Variants in IRS1 observed in about 807,000 individuals in gnomAD.
The protein encoded by IRS1 is insulin receptor substrate 1.
IRS1 carries 34 observed loss-of-function variants against 65.6 expected under a neutral mutation model. That is an observed-to-expected ratio of 0.52 (90% CI 0.39 to 0.69). The LOEUF is 0.69. Ranked by LOEUF, IRS1 falls within the 30% of genes least tolerant of loss-of-function variation. The pLI is 0.00. For synonymous variants in IRS1, 699 were observed against 683.5 expected, an observed-to-expected ratio of 1.02 and a Z score of -0.35; for missense variants, 1,641 against 1,720.2, an observed-to-expected ratio of 0.95 and a Z score of 0.81.
chr2:226,797,829 G>T lies in IRS1; in HGVS notation c.910C>A (p.Arg304Ser). The T allele has an allele frequency of 6.2e-7, 1 of 1,605,794 alleles. No individual in the cohort carries two copies. The highest frequency in any genetic ancestry group is 1.1e-5 in the South Asian group (1 of 90,698). ...GAGGTGGCGGTGATGCTCTCAGTGC[G>T]TGATCGGCGGGTCAGCCCCACCTGG... is the stretch of plus-strand genomic sequence containing the variant. The part of the protein sequence containing the change: ...PSQVGLTRRS[R>S]TESITATSPA... Residue 304 changes from arginine to serine, a missense_variant, in exon 1 of 2, where the codon CGC becomes AGC. Coordinates refer to ENST00000305123, the MANE Select transcript of IRS1 (RefSeq NM_005544.3). This position sits in a 1 kb window ranked among gnomAD's most constrained non-coding sequence, Gnocchi z 8.1.
chr2:226,761,228 T>A (rs1018612281), intron 1 of IRS1, among the ~76,000 whole-genome samples: 1 of 152,224 alleles, frequency 6.6e-6, no homozygotes, highest in Admixed American at 6.5e-5. Context: ...CTATTGGTTT[T>A]TAACGAGAAG....
chr2:226,745,074 G>C (rs1235396461), intron 1 of IRS1, among the ~76,000 whole-genome samples: 1 of 152,134 alleles, frequency 6.6e-6, no homozygotes, highest in Non-Finnish European at 1.5e-5. Context: ...TGCTTTACCT[G>C]AAGAATATCT....
rs551218066 is a variant in IRS1 at position 226,753,075 on chromosome 2, AAAG to A, written c.*22-16828_*22-16826del. Reference sequence around the variant, plus strand: ...CAAAATGGCCCCGAGGGGGTGGCAAAAAGAAGAACTGAAAAGGGATGGAAGGGA... The same window carrying A: ...CAAAATGGCCCCGAGGGGGTGGCAAAAAGAACTGAAAAGGGATGGAAGGGA... On this transcript the variant is annotated intron_variant, in intron 1 of 1. Transcript: ENST00000305123. Among the ~76,000 whole-genome samples the A allele has an allele frequency of 6.1e-3, 928 of 152,300 alleles. 26 individuals carry two copies. Among genetic ancestry groups the A allele is most frequent in the East Asian group, 8.5e-3 (44 of 5,186 alleles).
intron 1 of IRS1, among the ~76,000 whole-genome samples, chr2:226,751,671 G>T (rs1348769889): frequency 6.6e-6 from 1 of 152,030 alleles, no homozygotes; most frequent in Non-Finnish European, 1.5e-5. Flanking sequence ...GAGGGAAGAG[G>T]GATCGAAGCT....
chr2:226,748,816 A>G (rs972074536), intron 1 of IRS1, among the ~76,000 whole-genome samples: 1 of 152,212 alleles, frequency 6.6e-6, no homozygotes, highest in African/African-American at 2.4e-5. Context: ...GGGCACATAT[A>G]TCATCATCCG....
chr2:226,766,142 TATATATATATATA>T lies in IRS1; in HGVS notation c.*21+28834_*21+28846del, dbSNP rs1939034171. Among the ~76,000 whole-genome samples, 4 of 4,280 alleles carry T rather than the reference TATATATATATATA, an allele frequency of 9.3e-4. 1 individual carries two copies. The highest frequency in any genetic ancestry group is 3.0e-3 in the Non-Finnish European group (4 of 1,342). 2.8% of individuals were successfully genotyped at this position (4,280 alleles called of 152,430 possible). ...AATCTTATATATATATATATATATA[TATATATATATATA>T]TATATATATTTTTTTTTTTTTTTTT... On this transcript the variant is annotated intron_variant, in intron 1 of 1. Coordinates refer to ENST00000305123, the MANE Select transcript of IRS1 (RefSeq NM_005544.3).
At chr2:226,748,807 G>A (rs1019189695) in intron 1 of IRS1, among the ~76,000 whole-genome samples, 4 of 152,000 alleles carry the variant, frequency 2.6e-5, no homozygotes, top group Non-Finnish European at 5.9e-5. Context: ...GGATGCTCGG[G>A]GCACATATAT....
intron 1 of IRS1, among the ~76,000 whole-genome samples, chr2:226,742,726 A>AAAAAAAAAAAAG (rs1431863272): frequency 1.4e-5 from 2 of 147,784 alleles, no homozygotes; most frequent in South Asian, 2.3e-4. Context: ...AAAAAAAAAA[A>AAAAAAAAAAAAG]AGAAGACCGA....
intron 1 of IRS1, among the ~76,000 whole-genome samples, chr2:226,739,550 G>A (rs1938395841): frequency 6.6e-6 from 1 of 152,194 alleles, no homozygotes; most frequent in African/African-American, 2.4e-5. Flanking sequence ...TGAATAATGG[G>A]ACTGATTAAG....
chr2:226,778,041 T>G (rs1444824648), intron 1 of IRS1, among the ~76,000 whole-genome samples: 1 of 152,176 alleles, frequency 6.6e-6, no homozygotes, highest in African/African-American at 2.4e-5. Context: ...CTTAGAAAAT[T>G]CATTTCCTGT....
rs777853187 is a variant in IRS1 at position 226,797,644 on chromosome 2, C to T, written c.1095G>A (p.Leu365=). ...HAHRHRGSAR[L]HPPLNHSRSI... ...AGCGGCTGTGGTTGAGCGGGGGGTGCAGCCGGGCGCTGCCCCGATGCCGGT... is the reference window on the plus strand; with the variant it reads ...AGCGGCTGTGGTTGAGCGGGGGGTGTAGCCGGGCGCTGCCCCGATGCCGGT... The change falls in exon 1 of 2, where the codon CTG becomes CTA. Residue 365 remains leucine (L), a synonymous_variant. Coordinates refer to ENST00000305123, the MANE Select transcript of IRS1 (RefSeq NM_005544.3). This position sits in a 1 kb window ranked among gnomAD's most constrained non-coding sequence, Gnocchi z 8.1. The T allele has an allele frequency of 6.3e-7, 1 of 1,590,226 alleles. No homozygotes were observed. Among genetic ancestry groups the T allele is most frequent in the Non-Finnish European group, 8.5e-7 (1 of 1,174,494 alleles).
chr2:226,741,788 C>CACACAT (rs1171992904), intron 1 of IRS1, among the ~76,000 whole-genome samples: 1 of 130,352 alleles, frequency 7.7e-6, no homozygotes, highest in African/African-American at 3.2e-5. Flanking sequence ...GCCCAGTAAA[C>CACACAT]ACACACACAC....
Position 226,771,535 on chromosome 2 carries a change from C to T in IRS1, c.*21+23454G>A, listed in dbSNP as rs1035628428. On this transcript the variant is annotated intron_variant, in intron 1 of 1. Coordinates refer to ENST00000305123, the MANE Select transcript of IRS1 (RefSeq NM_005544.3). ...CCAGGAGTTAGAATTTTAGTAGTTT[C>T]GTTATTTTGCTTTCCTTACAGCATG... 3.9e-5 allele frequency among the ~76,000 whole-genome samples: 6 copies of T among 152,106 alleles called. No homozygotes were observed. In the East Asian group the frequency reaches 7.7e-4, roughly 20 times the overall value.
intron 1 of IRS1, chr2:226,792,060 T>C (rs1462214086): frequency 1.3e-5 from 2 of 152,234 alleles, no homozygotes; most frequent in Non-Finnish European, 2.9e-5. Flanking sequence ...GAGGCAACCT[T>C]GGAGGTACGG....
rs763911795 is a variant in IRS1, at chr2:226,795,519, G to T, written c.3220C>A (p.Arg1074=). The change falls in exon 1 of 2, where the codon CGG becomes AGG. Residue 1074 remains arginine, a synonymous_variant. Coordinates refer to ENST00000305123, the MANE Select transcript of IRS1 (RefSeq NM_005544.3). ...TTGCGGTTAGGACTGAGGTTCACCC[G>T]GGTGAAGGCGCTCATGCCCCCAGGT... ...QGPGGMSAFT[R]VNLSPNRNQS... is the part of the protein sequence containing the mutation. The T allele has an allele frequency of 1.2e-6, 2 of 1,613,376 alleles. No homozygotes were observed. The highest frequency in any genetic ancestry group is 1.1e-5 in the South Asian group (1 of 91,092).
chr2:226,759,291 CGTTTA>C (rs1363372744), intron 1 of IRS1, among the ~76,000 whole-genome samples: 1 of 152,164 alleles, frequency 6.6e-6, no homozygotes, highest in Non-Finnish European at 1.5e-5. Context: ...CAAAGGAAAA[CGTTTA>C]GTCTGGAGAA....
At position 226,796,516 on chromosome 2, in the gene IRS1, G is replaced by A. The variant is rs1559159236; in HGVS notation, c.2223C>T (p.Ser741=). ...AGCAGTCGGAGGGGCTGCTGGTGTT[G>A]GAGTCCCCCACTGGTGACATGTTCA... ...DYMNMSPVGD[S]NTSSPSDCYY... The change falls in exon 1 of 2, where the codon TCC becomes TCT. Residue 741 remains serine (S), a synonymous_variant. Transcript: ENST00000305123. 8 of 1,613,898 alleles carry A rather than the reference G, an allele frequency of 5.0e-6. No individual in the cohort carries two copies. The highest frequency in any genetic ancestry group is 2.2e-5 in the East Asian group (1 of 44,890).
chr2:226,798,860 G>T lies in IRS1; in HGVS notation c.-122C>A. ...CAGGGCTGGAGGCAGCAGAAACCCCGACTCTGAAATCCACGCCGCCCCCCG... is the reference window on the plus strand; with the variant it reads ...CAGGGCTGGAGGCAGCAGAAACCCCTACTCTGAAATCCACGCCGCCCCCCG... On this transcript the variant is annotated 5_prime_UTR_variant, in exon 1 of 2. Coordinates refer to ENST00000305123, the MANE Select transcript of IRS1 (RefSeq NM_005544.3). The surrounding 1 kb of genome is among the most constrained non-coding windows in gnomAD (Gnocchi z 9.4). The T allele has an allele frequency of 2.6e-6, 4 of 1,533,312 alleles. No homozygotes were observed. Among genetic ancestry groups the T allele is most frequent in the Non-Finnish European group, 3.5e-6 (4 of 1,137,500 alleles). 95.0% of individuals were successfully genotyped at this position (1,533,312 alleles called of 1,614,324 possible). A position where few individuals can be genotyped will look rare whatever the true frequency, so the allele number is the denominator to read the frequency against.
chr2:226,780,167 C>T (rs944899572), intron 1 of IRS1, among the ~76,000 whole-genome samples: 24 of 152,064 alleles, frequency 1.6e-4, no homozygotes, highest in African/African-American at 2.9e-4. Flanking sequence ...CCGAGGCGGG[C>T]GAAACACGAG....
Sources: gnomAD v4.1 joint callset for allele counts (sites outside exome capture counted in the v4.1 genomes callset) on GRCh38, gnomAD v4.1.1 for gene constraint, Gnocchi (gnomAD v3.1) non-coding constraint, MANE v1.5 for transcripts, NCBI Gene and HGNC (gene_info 2026-07-23, HGNC 2026-07-21) for gene names.